Variants in RAX observed in about 807,000 individuals in gnomAD.
RAX encodes retina and anterior neural fold homeobox.
A neutral mutation model predicts 17.4 loss-of-function variants in RAX; 11 were observed. The ratio of observed to expected loss-of-function variants is 0.63; its 90% confidence interval spans 0.40 to 1.05. RAX has a LOEUF of 1.05. RAX is among the 50% of genes least tolerant of loss of function. The probability of loss-of-function intolerance (pLI) is 0.00; values close to 1 mark genes in which losing one functional copy is unlikely to be tolerated. For synonymous variants in RAX, 276 were observed against 254.7 expected (o/e 1.08, Z -0.80); for missense variants, 527 against 501.1 (o/e 1.05, Z -0.49).
Position 59,272,911 on chromosome 18 carries a change from C to A in RAX, c.289+7G>T. Reference sequence around the variant, plus strand: ...ACGGCCTCGCACAGCCAGGGGTGCGCACTCACCTTCGTACTCGGGGGCGGG... The same window carrying A: ...ACGGCCTCGCACAGCCAGGGGTGCGAACTCACCTTCGTACTCGGGGGCGGG... On this transcript the variant is annotated splice_region_variant and intron_variant, in intron 1 of 2. Transcript: ENST00000334889. The A allele has an allele frequency of 7.4e-6, 11 of 1,489,142 alleles. No homozygotes were observed. Among genetic ancestry groups the A allele is most frequent in the Non-Finnish European group, 9.7e-6 (11 of 1,138,006 alleles). The allele number at this position is 1,489,142 out of a possible 1,614,324, so 92.2% of individuals were successfully genotyped here.
At chr18:59,271,185 C>G (rs912635050) in intron 2 of RAX, among the ~76,000 whole-genome samples, 1 of 152,232 alleles carries the variant, frequency 6.6e-6, no homozygotes, top group Non-Finnish European at 1.5e-5. Flanking sequence ...GAAGCCAAAA[C>G]TCCTGAACAA....
chr18:59,269,083 C>A lies in RAX; in HGVS notation c.962G>T (p.Arg321Leu). 2 of 1,612,408 alleles carry A rather than the reference C, an allele frequency of 1.2e-6. No homozygotes were observed. The highest frequency in any genetic ancestry group is 1.7e-6 in the Non-Finnish European group (2 of 1,179,598). ...DKFPLDEADP[R>L]NSSIAALRLK... ...ACGCAGCGCCGCGATGCTGCTGTTG[C>A]GCGGGTCCGCCTCGTCCAGCGGGAA... Residue 321 changes from arginine to leucine, a missense_variant, in exon 3 of 3, where the codon CGC becomes CTC. Transcript: ENST00000334889.
rs780624068 is a variant in RAX, at chr18:59,272,447, G to A, written c.457C>T (p.Arg153Cys). Residue 153 changes from arginine (R) to cysteine (C), a missense_variant, in exon 2 of 3, where the codon CGC becomes TGC. Coordinates refer to ENST00000334889, the MANE Select transcript of RAX (RefSeq NM_013435.3). ...GGGTAGTGGGACTTCTCGAACGCGC[G>A]CTCCAGCTCATGCAGCTGGTACGTG... Reference protein sequence around the residue: ...FTTYQLHELERAFEKSHYPDV... With the variant: ...FTTYQLHELECAFEKSHYPDV... 5 of 1,614,084 alleles carry A rather than the reference G, an allele frequency of 3.1e-6. No individual in the cohort carries two copies. Among genetic ancestry groups the A allele is most frequent in the Non-Finnish European group, 1.7e-6 (2 of 1,180,058 alleles).
intron 2 of RAX, among the ~76,000 whole-genome samples, chr18:59,271,784 G>T (rs1208350508): frequency 2.0e-5 from 3 of 152,190 alleles, no homozygotes; most frequent in Admixed American, 6.5e-5. Flanking sequence ...AGATAATTCA[G>T]CTTTAATTAA....
chr18:59,273,001 G>A lies in RAX; in HGVS notation c.206C>T (p.Ala69Val). Residue 69 changes from alanine to valine, a missense_variant, in exon 1 of 3, where the codon GCG becomes GTG. By Grantham distance (64) the Ala-to-Val change is moderately conservative. Coordinates refer to ENST00000334889, the MANE Select transcript of RAX (RefSeq NM_013435.3). ...GGGCGCCTTGGGGCAGGCGGGCCGC[G>A]CGCCCAGCCTCCTATCCCGCTCCTT... is the stretch of plus-strand genomic sequence containing the variant. ...GAKERDRRLG[A>V]RPACPKAPEE... The A allele has an allele frequency of 1.3e-6, 2 of 1,525,366 alleles. No individual in the cohort carries two copies. The highest frequency in any genetic ancestry group is 8.7e-7 in the Non-Finnish European group (1 of 1,143,256). The allele number at this position is 1,525,366 out of a possible 1,614,324, so 94.5% of individuals were successfully genotyped here.
chr18:59,268,939 G>C lies in RAX; in HGVS notation c.*65C>G. On this transcript the variant is annotated 3_prime_UTR_variant, in exon 3 of 3. Transcript: ENST00000334889. This position sits in a 1 kb window ranked among gnomAD's most constrained non-coding sequence, Gnocchi z 4.4. ...GAGCTGGGGAGGGGGGTTGTCCCTG[G>C]GAGAGAGGATGCGGGTACGGTGCGG... 1 of 1,611,674 alleles carries C rather than the reference G, an allele frequency of 6.2e-7. No homozygotes were observed. The highest frequency in any genetic ancestry group is 8.5e-7 in the Non-Finnish European group (1 of 1,179,252).
At chr18:59,270,284 A>T (rs1194161317) in intron 2 of RAX, among the ~76,000 whole-genome samples, 1 of 152,168 alleles carries the variant, frequency 6.6e-6, no homozygotes, top group African/African-American at 2.4e-5. Flanking sequence ...GCTGTTTGTT[A>T]TTACTTTCAA....
Position 59,272,930 on chromosome 18 carries a change from G to C in RAX, c.277C>G (p.Pro93Ala). Reference sequence around the variant, plus strand: ...GGTGCGCACTCACCTTCGTACTCGGGGGCGGGCGCCGGGGCTGGCGGCGGG... The same window carrying C: ...GGTGCGCACTCACCTTCGTACTCGGCGGCGGGCGCCGGGGCTGGCGGCGGG... ...PSPPPAPAPA[P>A]EYEAPRPYCP... Residue 93 changes from proline (P) to alanine (A), a missense_variant, in exon 1 of 3, where the codon CCC becomes GCC. Coordinates refer to ENST00000334889, the MANE Select transcript of RAX (RefSeq NM_013435.3). 2 of 1,470,758 alleles carry C rather than the reference G, an allele frequency of 1.4e-6. No homozygotes were observed. The highest frequency in any genetic ancestry group is 1.8e-6 in the Non-Finnish European group (2 of 1,129,236). The allele number at this position is 1,470,758 out of a possible 1,614,324, so 91.1% of individuals were successfully genotyped here.
intron 2 of RAX, among the ~76,000 whole-genome samples, 191 bp from the exon 3 acceptor site, chr18:59,269,692 G>A (rs2070319040): frequency 1.3e-5 from 2 of 148,422 alleles, no homozygotes; most frequent in African/African-American, 2.5e-5. Flanking sequence ...CTCCCACCCC[G>A]CGTTCTCTTT....
rs896866240 is a variant in RAX, at chr18:59,269,047, T to C, written c.998A>G (p.Lys333Arg). The C allele has an allele frequency of 9.3e-6, 15 of 1,612,900 alleles. No individual in the cohort carries two copies. Among genetic ancestry groups the C allele is most frequent in the Middle Eastern group, 1.6e-4 (1 of 6,084 alleles). ...CTTCCCGATGGCCTGGATGTGCTCC[T>C]TGGCTTTCAGACGCAGCGCCGCGAT... ...SSIAALRLKA[K>R]EHIQAIGKPW... The change falls in exon 3 of 3, where the codon AAG becomes AGG. Residue 333 changes from lysine to arginine, a missense_variant. Transcript: ENST00000334889.
At chr18:59,269,927 G>T (rs1603388993) in intron 2 of RAX, among the ~76,000 whole-genome samples, 1 of 151,938 alleles carries the variant, frequency 6.6e-6, no homozygotes, top group Non-Finnish European at 1.5e-5. Flanking sequence ...CAATCGAATC[G>T]TAGAACTTTG....
chr18:59,269,178 C>A lies in RAX; in HGVS notation c.867G>T (p.Leu289Phe), dbSNP rs770271072. Residue 289 changes from leucine to phenylalanine, a missense_variant, in exon 3 of 3, where the codon TTG (leucine) becomes TTT (phenylalanine). Leu to Phe is a conservative substitution (Grantham distance 22, BLOSUM62 0). Transcript: ENST00000334889. ...PPPPFLNSPP[L>F]GPGLQPLAPP... ...GCGCGAGAGGTTGCAGGCCGGGGCC[C>A]AACGGCGGGGAGTTCAGGAAGGGCG... 107 of 1,558,106 alleles carry A rather than the reference C, an allele frequency of 6.9e-5. No homozygotes were observed. The highest frequency in any genetic ancestry group is 2.4e-4 in the South Asian group (21 of 86,280).
intron 2 of RAX, 108 bp from the exon 3 acceptor site, chr18:59,269,609 A>G: frequency 7.9e-7 from 1 of 1,271,912 alleles, no homozygotes; most frequent in Non-Finnish European, 1.1e-6. Context: ...CCCTCAAATA[A>G]AACTAGGGGC....
chr18:59,269,140 G>A lies in RAX; in HGVS notation c.905C>T (p.Ser302Phe). Residue 302 changes from serine to phenylalanine, a missense_variant, in exon 3 of 3, where the codon TCC (serine) becomes TTC (phenylalanine). Coordinates refer to ENST00000334889, the MANE Select transcript of RAX (RefSeq NM_013435.3). ...GLQPLAPPPP[S>F]YPCGPGFGDK... ...CCCGAAGCCGGGCCCGCACGGGTAG[G>A]AGGGCGGCGGCGGCGCGAGAGGTTG... is the stretch of plus-strand genomic sequence containing the variant. 6.2e-7 allele frequency: 1 copy of A among 1,601,256 alleles called. No individual in the cohort carries two copies. The highest frequency in any genetic ancestry group is 8.5e-7 in the Non-Finnish European group (1 of 1,174,192).
chr18:59,272,628 G>C lies in RAX; in HGVS notation c.290-14C>G, dbSNP rs1454522802. Reference sequence around the variant, plus strand: ...AGGGTCGAGGGGCTGGGGCGACGAGGCCCGGGAGGGTCAGATGCACTCCCC... The same window carrying C: ...AGGGTCGAGGGGCTGGGGCGACGAGCCCCGGGAGGGTCAGATGCACTCCCC... On this transcript the variant is annotated splice_polypyrimidine_tract_variant and intron_variant, in intron 1 of 2. Coordinates refer to ENST00000334889, the MANE Select transcript of RAX (RefSeq NM_013435.3). The C allele has an allele frequency of 6.2e-7, 1 of 1,604,940 alleles. No individual in the cohort carries two copies. Among genetic ancestry groups the C allele is most frequent in the African/African-American group, 1.3e-5 (1 of 74,770 alleles).
Position 59,272,634 on chromosome 18 carries a change from G to A in RAX, c.290-20C>T, listed in dbSNP as rs565162462. ...GAGGGGCTGGGGCGACGAGGCCCGGGAGGGTCAGATGCACTCCCCAAAACA... is the reference window on the plus strand; with the variant it reads ...GAGGGGCTGGGGCGACGAGGCCCGGAAGGGTCAGATGCACTCCCCAAAACA... On this transcript the variant is annotated intron_variant, in intron 1 of 2. Transcript: ENST00000334889. 1.6e-5 allele frequency: 26 copies of A among 1,603,320 alleles called. No individual in the cohort carries two copies. Among genetic ancestry groups the A allele is most frequent in the East Asian group, 1.1e-4 (5 of 44,778 alleles).
At position 59,272,442 on chromosome 18, in the gene RAX, C is replaced by T. The variant is rs756766471; in HGVS notation, c.462G>A (p.Ala154=). 14 of 1,614,228 alleles carry T rather than the reference C, an allele frequency of 8.7e-6. No individual in the cohort carries two copies. In the Admixed American group the frequency reaches 2.0e-4, roughly 23 times the overall value. ...TTYQLHELER[A]FEKSHYPDVY... ...CGTCCGGGTAGTGGGACTTCTCGAA[C>T]GCGCGCTCCAGCTCATGCAGCTGGT... is the stretch of plus-strand genomic sequence containing the variant. Residue 154 remains alanine, a synonymous_variant, in exon 2 of 3, where the codon GCG becomes GCA. Coordinates refer to ENST00000334889, the MANE Select transcript of RAX (RefSeq NM_013435.3).
intron 2 of RAX, among the ~76,000 whole-genome samples, chr18:59,269,852 TTGTATC>T (rs1280922320): frequency 1.3e-5 from 2 of 151,862 alleles, no homozygotes; most frequent in African/African-American, 4.8e-5. Flanking sequence ...ATAGCTGTGG[TTGTATC>T]TGTTTCCAAC....
Position 59,268,939 on chromosome 18 carries a change from G to T in RAX, c.*65C>A, listed in dbSNP as rs1325097622. The T allele has an allele frequency of 1.9e-6, 3 of 1,611,672 alleles. No homozygotes were observed. The highest frequency in any genetic ancestry group is 2.5e-6 in the Non-Finnish European group (3 of 1,179,252). Reference sequence around the variant, plus strand: ...GAGCTGGGGAGGGGGGTTGTCCCTGGGAGAGAGGATGCGGGTACGGTGCGG... The same window carrying T: ...GAGCTGGGGAGGGGGGTTGTCCCTGTGAGAGAGGATGCGGGTACGGTGCGG... On this transcript the variant is annotated 3_prime_UTR_variant, in exon 3 of 3. Coordinates refer to ENST00000334889, the MANE Select transcript of RAX (RefSeq NM_013435.3). This position sits in a 1 kb window ranked among gnomAD's most constrained non-coding sequence, Gnocchi z 4.4.
Sources: allele counts gnomAD v4.1 joint callset (sites outside exome capture counted in the v4.1 genomes callset), GRCh38; gene constraint gnomAD v4.1.1; non-coding constraint Gnocchi (gnomAD v3.1); transcripts MANE v1.5; gene names NCBI Gene and HGNC (gene_info 2026-07-23, HGNC 2026-07-21).